CLVS1: variants seen among roughly 807,000 people sequenced by gnomAD.
CLVS1 encodes the protein clavesin-1.
A neutral mutation model predicts 33.1 loss-of-function variants in CLVS1; 10 were observed. The ratio of observed to expected loss-of-function variants is 0.30; its 90% CI spans 0.19 to 0.51. The LOEUF (loss-of-function observed/expected upper bound fraction) is 0.51. Ranked by LOEUF, CLVS1 falls within the 20% of genes least tolerant of loss-of-function variation. The pLI, the probability that CLVS1 is intolerant of heterozygous loss-of-function variation, is 0.97. For missense variants in CLVS1, 343 were observed against 433.4 expected (o/e 0.79, Z 1.85); for synonymous variants, 163 against 166.1 (o/e 0.98, Z 0.14).
intron 2 of CLVS1, among the ~76,000 whole-genome samples, chr8:61,198,333 T>C (rs1443298150): frequency 6.6e-6 from 1 of 152,124 alleles, no homozygotes; most frequent in African/African-American, 2.4e-5. Flanking sequence ...GAAATCTGGG[T>C]TTTTATTGTA....
chr8:61,303,169 A>G (rs1810497460), intron 2 of CLVS1, among the ~76,000 whole-genome samples: 1 of 152,230 alleles, frequency 6.6e-6, no homozygotes. Context: ...TGAGGTAGAG[A>G]ACATCAGTAA....
At chr8:61,144,286 G>A (rs2129293670) in intron 2 of CLVS1, among the ~76,000 whole-genome samples, 1 of 152,250 alleles carries the variant, frequency 6.6e-6, no homozygotes, top group Admixed American at 6.5e-5. Context: ...CGCTTTATGA[G>A]TGAGAACATG....
At chr8:61,459,082 G>C (rs6996147) in intron 5 of CLVS1, among the ~76,000 whole-genome samples, 21,461 of 152,014 alleles carry the variant, frequency 0.14, 4,119 homozygotes, top group African/African-American at 0.44. Context: ...ACCAGCAACC[G>C]AGGCTTGGGA....
At chr8:61,014,085 G>GTTT in the CLVS1 span, among the ~76,000 whole-genome samples, 22 of 126,788 alleles carry the variant, frequency 1.7e-4, no homozygotes, top group Non-Finnish European at 2.3e-4. Context: ...ACTTTTTAGT[G>GTTT]TTTTTTTTTT....
the CLVS1 span, among the ~76,000 whole-genome samples, chr8:61,050,991 C>T: frequency 1.3e-5 from 2 of 152,206 alleles, no homozygotes; most frequent in Non-Finnish European, 2.9e-5. Context: ...GATTTCCATC[C>T]GACTGAGGAG....
chr8:61,222,687 T>C (rs1026579047), intron 2 of CLVS1, among the ~76,000 whole-genome samples: 3 of 152,226 alleles, frequency 2.0e-5, no homozygotes, highest in African/African-American at 7.2e-5. Context: ...AGACATCTAC[T>C]AGGTCCACTT....
At chr8:61,484,035 G>A (rs1803770658) in intron 5 of CLVS1, among the ~76,000 whole-genome samples, 1 of 152,194 alleles carries the variant, frequency 6.6e-6, no homozygotes, top group African/African-American at 2.4e-5. Flanking sequence ...ACTGGCACAA[G>A]ACAGGGATGC....
At chr8:61,456,810 G>A (rs965408884) in intron 4 of CLVS1, among the ~76,000 whole-genome samples, 5 of 151,502 alleles carry the variant, frequency 3.3e-5, no homozygotes, top group East Asian at 2.0e-4. Context: ...CCCAGCTACT[G>A]AGGAGGCTGA....
At chr8:61,351,702 T>A (rs1812470253) in intron 2 of CLVS1, among the ~76,000 whole-genome samples, 1 of 151,766 alleles carries the variant, frequency 6.6e-6, no homozygotes, top group Non-Finnish European at 1.5e-5. Flanking sequence ...AAAGAACACA[T>A]CACATGCAGA....
chr8:61,361,431 A>G (rs1319049608), intron 2 of CLVS1, among the ~76,000 whole-genome samples: 4 of 152,230 alleles, frequency 2.6e-5, no homozygotes, highest in Non-Finnish European at 5.9e-5. Context: ...CCAAGATGCT[A>G]GGTTGTCTCC....
chr8:61,116,470 C>T (rs974507223), intron 1 of CLVS1, among the ~76,000 whole-genome samples: 2 of 152,104 alleles, frequency 1.3e-5, no homozygotes, highest in African/African-American at 4.8e-5. Context: ...AAAGGTAATG[C>T]CTAGGTTTTC....
At chr8:61,237,851 CAG>C (rs1808601377) in intron 2 of CLVS1, among the ~76,000 whole-genome samples, 2 of 150,734 alleles carry the variant, frequency 1.3e-5, no homozygotes, top group African/African-American at 4.8e-5. Context: ...ACAGGGAGCC[CAG>C]AGGATGTGTG....
chr8:61,175,935 T>C (rs756559982), intron 2 of CLVS1, among the ~76,000 whole-genome samples: 56 of 152,156 alleles, frequency 3.7e-4, no homozygotes, highest in Non-Finnish European at 1.0e-4. Flanking sequence ...GCCCCAAACT[T>C]GTAAGGGGGC....
intron 3 of CLVS1, among the ~76,000 whole-genome samples, chr8:61,411,812 G>A (rs1252033140): frequency 1.3e-5 from 2 of 152,168 alleles, no homozygotes; most frequent in Non-Finnish European, 2.9e-5. Context: ...GTCGCCCCAT[G>A]TGGTGCTTCA....
Position 61,351,995 on chromosome 8 carries a change from G to A in CLVS1, c.456-24610G>A, listed in dbSNP as rs4434616. On this transcript the variant is annotated intron_variant, in intron 2 of 5. Transcript: ENST00000325897. ...AGAATCTTGAAATATCAGGAAGAAGGAACAAGAGGAAGAGTAGAAACATGT... is the reference window on the plus strand; with the variant it reads ...AGAATCTTGAAATATCAGGAAGAAGAAACAAGAGGAAGAGTAGAAACATGT... Among the ~76,000 whole-genome samples, 892 of 152,060 alleles carry A rather than the reference G, an allele frequency of 5.9e-3. 6 individuals carry two copies. The highest frequency in any genetic ancestry group is 0.02 in the Middle Eastern group (6 of 294).
intron 2 of CLVS1, among the ~76,000 whole-genome samples, chr8:61,345,435 A>G (rs1195565308): frequency 6.6e-6 from 1 of 152,214 alleles, no homozygotes; most frequent in Non-Finnish European, 1.5e-5. Context: ...GATAGGCTGA[A>G]GGGCATTTGG....
intron 2 of CLVS1, among the ~76,000 whole-genome samples, chr8:61,267,203 A>T (rs1482250224): frequency 6.6e-6 from 1 of 152,236 alleles, no homozygotes; most frequent in Non-Finnish European, 1.5e-5. Context: ...AGCAAGAAAG[A>T]TAAGCGTAGT....
At chr8:61,244,154 A>G (rs556539514) in intron 2 of CLVS1, among the ~76,000 whole-genome samples, 14 of 152,138 alleles carry the variant, frequency 9.2e-5, no homozygotes, top group African/African-American at 3.4e-4. Flanking sequence ...GGATGGAGAC[A>G]GTAGGGGGCA....
intron 2 of CLVS1, among the ~76,000 whole-genome samples, chr8:61,197,069 T>C (rs2931320): frequency 0.3 from 45,549 of 152,142 alleles, 7,041 homozygotes; most frequent in Admixed American, 0.35. Context: ...AGCCCTAATG[T>C]CCTCAGGCAT....
Sources: allele counts gnomAD v4.1 joint callset (sites outside exome capture counted in the v4.1 genomes callset), GRCh38; gene constraint gnomAD v4.1.1; transcripts MANE v1.5; gene names NCBI Gene and HGNC (gene_info 2026-07-23, HGNC 2026-07-21).